The following MRPL55 variants were observed in gnomAD, a reference collection of about 807,000 sequenced individuals.
The protein encoded by MRPL55 is large ribosomal subunit protein mL55.
Under a neutral mutation model 10.6 loss-of-function variants are expected in MRPL55, and 7 were observed. That is an observed-to-expected ratio of 0.66 (90% CI 0.38 to 1.24). MRPL55 has a LOEUF of 1.24. MRPL55 is among the 50% of genes most tolerant of loss of function. The pLI is 0.02. For synonymous variants in MRPL55, 57 were observed against 71.8 expected (o/e 0.79, Z 1.04); for missense variants, 148 against 180.3 (o/e 0.82, Z 1.03).
chr1:228,107,904 A>G (rs761346857), intron 3 of MRPL55, 35 bp from the exon 4 acceptor site: 7 of 1,607,374 alleles, frequency 4.4e-6, no homozygotes, highest in African/African-American at 4.0e-5. Flanking sequence ...GTCAGCCGAC[A>G]GTGCTGCAGC....
In MRPL55 at chr1:228,108,228, T is replaced by C. The variant is rs776087176; in HGVS notation, c.26+7A>G. The C allele has an allele frequency of 1.9e-6, 3 of 1,610,548 alleles. No homozygotes were observed. The highest frequency in any genetic ancestry group is 1.3e-5 in the African/African-American group (1 of 74,854). ...TAATCCCCAGGGACCTAAAAGTCCA[T>C]GCTTACCCAAGCAGGCTGCCCACGG... On this transcript the variant is annotated splice_region_variant and intron_variant, in intron 3 of 4. Transcript: ENST00000336520.
Position 228,107,855 on chromosome 1 carries a change from C to G in MRPL55, c.41G>C (p.Ser14Thr). ...TGCAGGTCCGGTGGCCTTCACGGTG[C>G]TCTGCCTCAGCCGGCTGCAGATAAA... ...VGSLLGRLRQ[S>T]TVKATGPALR... The change falls in exon 4 of 5, where the codon AGC becomes ACC. Residue 14 changes from serine (S) to threonine (T), a missense_variant. Physicochemically the swap from Ser to Thr is moderately conservative, Grantham distance 58. Coordinates refer to ENST00000336520, the MANE Select transcript of MRPL55 (RefSeq NM_181463.3). 6.2e-7 allele frequency: 1 copy of G among 1,613,050 alleles called. No homozygotes were observed. The highest frequency in any genetic ancestry group is 8.5e-7 in the Non-Finnish European group (1 of 1,179,970).
rs74140967 is a variant in MRPL55 at position 228,107,822 on chromosome 1, C to T, written c.74G>A (p.Arg25His). The T allele has an allele frequency of 2.0e-3, 3,213 of 1,613,164 alleles. 34 individuals are homozygous for T. The African/African-American group carries it at 0.024, about 12-fold the overall frequency. Residue 25 changes from arginine (R) to histidine (H), a missense_variant, in exon 4 of 5, where the codon CGC becomes CAC. By Grantham distance (29) the Arg-to-His change is conservative. Transcript: ENST00000336520. ...AGCTCGCCAGGAGGATGTGTGCAGG[C>T]GGCGGAGTGCAGGTCCGGTGGCCTT... ...TVKATGPALR[R>H]LHTSSWRADS...
At chr1:228,108,105 TC>T (rs1558097578) in intron 3 of MRPL55, 129 bp downstream of exon 3, 1 of 1,532,706 alleles carries the variant, frequency 6.5e-7, no homozygotes, top group Non-Finnish European at 8.8e-7. Flanking sequence ...GCACAAAGCT[TC>T]CAGCACAGGG....
chr1:228,106,927 G>C lies in MRPL55; in HGVS notation c.229-9C>G, dbSNP rs1165231986. On this transcript the variant is annotated splice_polypyrimidine_tract_variant and intron_variant, in intron 4 of 4. Coordinates refer to ENST00000336520, the MANE Select transcript of MRPL55 (RefSeq NM_181463.3). ...TCCAGATCTATGGGCATCTGCAGGGGACAGACCAAGTTTCGTCCATGTGGA... is the reference window on the plus strand; with the variant it reads ...TCCAGATCTATGGGCATCTGCAGGGCACAGACCAAGTTTCGTCCATGTGGA... 1.2e-6 allele frequency: 2 copies of C among 1,609,456 alleles called. No individual in the cohort carries two copies. The highest frequency in any genetic ancestry group is 1.1e-5 in the South Asian group (1 of 90,508).
intron 3 of MRPL55, 77 bp from the exon 4 acceptor site, chr1:228,107,946 T>C (rs751790535): frequency 3.4e-5 from 54 of 1,579,296 alleles, no homozygotes; most frequent in Admixed American, 3.6e-5. Flanking sequence ...CTGGCTGTGA[T>C]TGGGCACTGC....
rs555557877 is a variant in MRPL55, at chr1:228,107,823, G to A, written c.73C>T (p.Arg25Cys). 9.3e-6 allele frequency: 15 copies of A among 1,613,222 alleles called. No individual in the cohort carries two copies. The highest frequency in any genetic ancestry group is 3.3e-4 in the Middle Eastern group (2 of 6,056). ...GCTCGCCAGGAGGATGTGTGCAGGCGGCGGAGTGCAGGTCCGGTGGCCTTC... is the reference window on the plus strand; with the variant it reads ...GCTCGCCAGGAGGATGTGTGCAGGCAGCGGAGTGCAGGTCCGGTGGCCTTC... ...TVKATGPALR[R>C]LHTSSWRADS... The change falls in exon 4 of 5, where the codon CGC becomes TGC. Residue 25 changes from arginine (R) to cysteine (C), a missense_variant. Coordinates refer to ENST00000336520, the MANE Select transcript of MRPL55 (RefSeq NM_181463.3).
chr1:228,107,624 G>T, intron 4 of MRPL55, 44 bp downstream of exon 4: 1 of 1,592,338 alleles, frequency 6.3e-7, no homozygotes, highest in South Asian at 1.1e-5. Context: ...CCACAGCCTC[G>T]ACCCCAGCCC....
rs566532763 is a variant in MRPL55 at position 228,109,019 on chromosome 1, A to G, written c.-123T>C. The G allele has an allele frequency of 7.4e-4, 113 of 152,738 alleles. 2 individuals carry two copies. In the South Asian group the frequency reaches 0.021, roughly 29 times the overall value. The allele number at this position is 152,738 out of a possible 1,614,324, so 9.5% of individuals were successfully genotyped here. On this transcript the variant is annotated splice_region_variant and 5_prime_UTR_variant, in exon 2 of 5. Transcript: ENST00000336520. ...GGAAAGCTCCCTCTCCTTTCCTGCT[A>G]GACTGCATGGGGACAAGGGCTTATC... is the stretch of plus-strand genomic sequence containing the variant.
Position 228,107,682 on chromosome 1 carries a change from G to A in MRPL55, c.214C>T (p.Arg72Trp), listed in dbSNP as rs145472694. Residue 72 changes from arginine to tryptophan, a missense_variant, in exon 4 of 5, where the codon CGG becomes TGG. Coordinates refer to ENST00000336520, the MANE Select transcript of MRPL55 (RefSeq NM_181463.3). ...STIHIRYREP[R>W]RMLAMPIDLD... ...GGGAAGCTTACCGCCAGCATGCGCC[G>A]TGGCTCCCTGTAGCGGATGTGGATG... The A allele has an allele frequency of 3.0e-5, 48 of 1,612,750 alleles. No homozygotes were observed. The highest frequency in any genetic ancestry group is 2.0e-4 in the South Asian group (18 of 91,074).
In MRPL55 at chr1:228,106,754, C is replaced by CAATGT; in HGVS notation, c.*5_*6insACATT. On this transcript the variant is annotated 3_prime_UTR_variant, in exon 5 of 5. Transcript: ENST00000336520. ...TAGCAATGTCCCGGGGTGGCTGGAG[C>CAATGT]CACGGTCACTTCTTGGTCCTGGTCC... 6.2e-7 allele frequency: 1 copy of CAATGT among 1,606,624 alleles called. No homozygotes were observed. Among genetic ancestry groups the CAATGT allele is most frequent in the Admixed American group, 1.7e-5 (1 of 59,498 alleles).
At position 228,107,705 on chromosome 1, in the gene MRPL55, A is replaced by C; in HGVS notation, c.191T>G (p.Ile64Ser). 6.2e-7 allele frequency: 1 copy of C among 1,613,150 alleles called. No homozygotes were observed. The highest frequency in any genetic ancestry group is 8.5e-7 in the Non-Finnish European group (1 of 1,180,016). Residue 64 changes from isoleucine to serine, a missense_variant, in exon 4 of 5, where the codon ATC becomes AGC. Transcript: ENST00000336520. ...CCGTGGCTCCCTGTAGCGGATGTGG[A>C]TGGTGGAGCCATCCTGCTTCACCAG... is the stretch of plus-strand genomic sequence containing the variant. ...VLLVKQDGST[I>S]HIRYREPRRM...
chr1:228,108,212 G>A, intron 3 of MRPL55, 23 bp downstream of exon 3: 2 of 1,608,638 alleles, frequency 1.2e-6, no homozygotes, highest in Non-Finnish European at 1.7e-6. Context: ...GTAATCCCCA[G>A]GGACCTAAAA....
rs1051648185 is a variant in MRPL55 at position 228,109,210 on chromosome 1, C to T, written c.-187G>A. On this transcript the variant is annotated 5_prime_UTR_variant, in exon 1 of 5. Transcript: ENST00000336520. ...ACAGGCGGTCCTGACTCCCGCTGCCCGGTGGAACTAAGACCAGGGACGAGG... is the reference window on the plus strand; with the variant it reads ...ACAGGCGGTCCTGACTCCCGCTGCCTGGTGGAACTAAGACCAGGGACGAGG... 13 of 152,464 alleles carry T rather than the reference C, an allele frequency of 8.5e-5. No homozygotes were observed. The highest frequency in any genetic ancestry group is 2.6e-4 in the Admixed American group (4 of 15,310). 9.4% of individuals were successfully genotyped at this position (152,464 alleles called of 1,614,324 possible).
At chr1:228,106,957 G>A in intron 4 of MRPL55, 39 bp from the exon 5 acceptor site, 2 of 1,579,438 alleles carry the variant, frequency 1.3e-6, no homozygotes, top group Non-Finnish European at 1.7e-6. Flanking sequence ...TGTGGATCGA[G>A]GGACCTTGAG....
intron 4 of MRPL55, 29 bp from the exon 5 acceptor site, chr1:228,106,947 T>C (rs764114918): frequency 2.5e-6 from 4 of 1,598,040 alleles, no homozygotes; most frequent in East Asian, 2.2e-5. Flanking sequence ...GTTTCGTCCA[T>C]GTGGATCGAG....
In MRPL55 at chr1:228,107,728, CAG is replaced by C. The variant is rs2033312926; in HGVS notation, c.166_167del (p.Leu56GlyfsTer31). Reference protein sequence around the residue: ...QAYARLYPVLLVKQDGSTIHI... With the variant: ...QAYARLYPVLXVKQDGSTIHI... ...GGATGGTGGAGCCATCCTGCTTCAC[CAG>C]CAGCACGGGGTAGAGTCGTGCATAA... is the stretch of plus-strand genomic sequence containing the variant. On this transcript the variant is annotated frameshift_variant, in exon 4 of 5. Transcript: ENST00000336520. LOFTEE classifies it high-confidence loss of function. The C allele has an allele frequency of 6.2e-7, 1 of 1,613,132 alleles. No individual in the cohort carries two copies. The highest frequency in any genetic ancestry group is 1.3e-5 in the African/African-American group (1 of 74,948).
chr1:228,108,570 C>T (rs1047307237), intron 2 of MRPL55: 8 of 420,752 alleles, frequency 1.9e-5, no homozygotes, highest in African/African-American at 1.6e-4. Context: ...CTGGCCGTTA[C>T]CGAGTCTGCG....
At chr1:228,108,042 G>T (rs1422803994) in intron 3 of MRPL55, 173 bp from the exon 4 acceptor site, 3 of 1,544,486 alleles carry the variant, frequency 1.9e-6, no homozygotes, top group Non-Finnish European at 2.6e-6. Flanking sequence ...ACAGGCTGTG[G>T]TCAGAGGCGT....
Sources: allele counts gnomAD v4.1 joint callset, GRCh38; gene constraint gnomAD v4.1.1; transcripts MANE v1.5; gene names NCBI Gene and HGNC (gene_info 2026-07-23, HGNC 2026-07-21).